HERC4: variants seen among roughly 807,000 people sequenced by gnomAD.
HERC4 encodes the protein probable E3 ubiquitin-protein ligase HERC4.
Under a neutral mutation model 124.3 loss-of-function variants are expected in HERC4, and 28 were observed. The observed-to-expected ratio is 0.23, with a 90% CI of 0.17 to 0.31. HERC4 has a LOEUF of 0.31. HERC4 is among the 10% of genes least tolerant of loss of function. The probability of loss-of-function intolerance (pLI) is 1.00; values close to 1 mark genes in which losing one functional copy is unlikely to be tolerated. For synonymous variants in HERC4, 407 were observed against 421.5 expected (o/e 0.97, Z 0.42); for missense variants, 713 against 1,229.3 (o/e 0.58, Z 6.28).
chr10:68,031,769 T>G (rs531590841), intron 7 of HERC4, among the ~76,000 whole-genome samples: 2 of 152,156 alleles, frequency 1.3e-5, no homozygotes, highest in African/African-American at 2.4e-5. Flanking sequence ...TCTTTTTTTT[T>G]GAAACGAGGT....
intron 3 of HERC4, among the ~76,000 whole-genome samples, chr10:68,055,774 CAG>C (rs1255346309): frequency 1.4e-5 from 2 of 144,368 alleles, no homozygotes; most frequent in African/African-American, 2.6e-5. Flanking sequence ...TTTTTTGAGA[CAG>C]AGTCTCGCTC....
At chr10:68,010,531 G>A (rs763822918) in intron 9 of HERC4, 1 of 953,232 alleles carries the variant, frequency 1.0e-6, no homozygotes, top group Non-Finnish European at 1.7e-6. Flanking sequence ...TGCAGTGTGG[G>A]CTTCAGGCGC....
Position 68,056,502 on chromosome 10 carries a change from T to C in HERC4, c.227-11939A>G, listed in dbSNP as rs554768698. Among the ~76,000 whole-genome samples the C allele has an allele frequency of 4.1e-4, 62 of 152,314 alleles. 1 individual carries two copies. The South Asian group carries it at 0.012, about 31-fold the overall frequency. ...AATGGGAAGACAGCGATGCAATTTA[T>C]TAAGTTATTGAATTCCATGGGCTGT... On this transcript the variant is annotated intron_variant, in intron 3 of 24. Coordinates refer to ENST00000373700, the MANE Select transcript of HERC4 (RefSeq NM_015601.4).
chr10:67,936,864 G>A (rs957655973), intron 21 of HERC4, among the ~76,000 whole-genome samples: 3 of 152,064 alleles, frequency 2.0e-5, no homozygotes, highest in Non-Finnish European at 2.9e-5. Context: ...TATGATGGGA[G>A]TGGGATGTTA....
chr10:68,041,930 T>C (rs2039787697), intron 4 of HERC4, among the ~76,000 whole-genome samples: 1 of 152,246 alleles, frequency 6.6e-6, no homozygotes, highest in Non-Finnish European at 1.5e-5. Context: ...CACATTCTTC[T>C]TTAATATTAT....
intron 21 of HERC4, among the ~76,000 whole-genome samples, chr10:67,938,333 C>T (rs978949376): frequency 1.3e-5 from 2 of 150,834 alleles, no homozygotes; most frequent in African/African-American, 2.4e-5. Flanking sequence ...CCCAGCTACT[C>T]GGGAGGCTGA....
intron 3 of HERC4, among the ~76,000 whole-genome samples, chr10:68,059,522 A>AATATTATATATTATAACATTATATATT (rs1339936883): frequency 1.2e-5 from 1 of 80,664 alleles, no homozygotes; most frequent in Admixed American, 1.7e-4. Context: ...TATATATCAT[A>AATATTATATATTATAACATTATATATT]ATAATATTAT....
At position 67,971,572 on chromosome 10, in the gene HERC4, A is replaced by T. The variant is rs371897948; in HGVS notation, c.1807-4770T>A. 3.9e-5 allele frequency among the ~76,000 whole-genome samples: 6 copies of T among 152,314 alleles called. No individual in the cohort carries two copies. In the East Asian group the frequency reaches 1.2e-3, roughly 29 times the overall value. On this transcript the variant is annotated intron_variant, in intron 15 of 24. Coordinates refer to ENST00000373700, the MANE Select transcript of HERC4 (RefSeq NM_015601.4). ...CAACAGATGGAAACAATATCTGATA[A>T]AATTCAAATCCATTTATAATAAACA...
chr10:68,063,967 G>A (rs1204767507), intron 3 of HERC4, among the ~76,000 whole-genome samples: 1 of 151,390 alleles, frequency 6.6e-6, no homozygotes, highest in Non-Finnish European at 1.5e-5. Flanking sequence ...CAGAGGCTGG[G>A]CATGGTAGCT....
At chr10:67,962,239 TATAAAA>T (rs2034570626) in intron 16 of HERC4, among the ~76,000 whole-genome samples, 1 of 150,972 alleles carries the variant, frequency 6.6e-6, no homozygotes, top group South Asian at 2.1e-4. Flanking sequence ...AAAAAAAGCC[TATAAAA>T]ATTTATCTAT....
chr10:67,964,290 C>T (rs1332517879), intron 16 of HERC4, among the ~76,000 whole-genome samples: 3 of 152,140 alleles, frequency 2.0e-5, no homozygotes, highest in Non-Finnish European at 4.4e-5. Context: ...CTGCAGCATT[C>T]AACAGTCTCT....
intron 3 of HERC4, among the ~76,000 whole-genome samples, chr10:68,059,417 T>A (rs2040715910): frequency 7.3e-6 from 1 of 136,220 alleles, no homozygotes; most frequent in Non-Finnish European, 1.5e-5. Context: ...TATTCCTGGG[T>A]TGTTTTGTTT....
chr10:68,039,295 G>A (rs149995800), intron 4 of HERC4: 73 of 1,273,442 alleles, frequency 5.7e-5, no homozygotes, highest in Middle Eastern at 5.0e-4. Flanking sequence ...CAGAATGGGC[G>A]ATAGAGTAAG....
intron 9 of HERC4, among the ~76,000 whole-genome samples, chr10:67,996,821 A>T (rs1427903430): frequency 6.6e-6 from 1 of 151,860 alleles, no homozygotes; most frequent in Non-Finnish European, 1.5e-5. Flanking sequence ...AAAATAAAAA[A>T]ATAAAATAAA....
At chr10:67,931,953 T>C (rs2132035986) in intron 23 of HERC4, among the ~76,000 whole-genome samples, 1 of 152,166 alleles carries the variant, frequency 6.6e-6, no homozygotes, top group South Asian at 2.1e-4. Context: ...TTATCTACTT[T>C]TATTTACTTA....
At chr10:67,962,151 C>G (rs982608397) in intron 16 of HERC4, among the ~76,000 whole-genome samples, 2 of 151,812 alleles carry the variant, frequency 1.3e-5, no homozygotes, top group African/African-American at 4.8e-5. Flanking sequence ...ATATGCACAG[C>G]CTTCATATCA....
chr10:67,986,301 G>C (rs1222483669), intron 15 of HERC4, among the ~76,000 whole-genome samples: 2 of 152,148 alleles, frequency 1.3e-5, no homozygotes, highest in Non-Finnish European at 2.9e-5. Context: ...CCATTCAAGT[G>C]GTGGTGGTAA....
intron 3 of HERC4, among the ~76,000 whole-genome samples, chr10:68,044,820 G>A (rs1445904324): frequency 6.6e-6 from 1 of 151,980 alleles, no homozygotes; most frequent in Non-Finnish European, 1.5e-5. Flanking sequence ...AGAATATCAA[G>A]TGACCTGAAC....
rs200179675 is a variant in HERC4 at position 67,925,213 on chromosome 10, G to A, written c.2839-26C>T. On this transcript the variant is annotated intron_variant, in intron 23 of 24. Coordinates refer to ENST00000373700, the MANE Select transcript of HERC4 (RefSeq NM_015601.4). Reference sequence around the variant, plus strand: ...CTAAAAACAACATAATCTTTTATTAGTATTAAGGGACACACTGGCTAATAT... The same window carrying A: ...CTAAAAACAACATAATCTTTTATTAATATTAAGGGACACACTGGCTAATAT... 105 of 1,301,796 alleles carry A rather than the reference G, an allele frequency of 8.1e-5. No individual in the cohort carries two copies. The East Asian group carries it at 2.3e-3, about 29-fold the overall frequency. 80.6% of individuals were successfully genotyped at this position (1,301,796 alleles called of 1,614,324 possible). A position where few individuals can be genotyped will look rare whatever the true frequency, so the allele number is the denominator to read the frequency against.
Sources: allele counts gnomAD v4.1 joint callset (sites outside exome capture counted in the v4.1 genomes callset), GRCh38; gene constraint gnomAD v4.1.1; transcripts MANE v1.5; gene names NCBI Gene and HGNC (gene_info 2026-07-23, HGNC 2026-07-21).